The following CHRD variants were observed in gnomAD, a reference collection of about 807,000 sequenced individuals.
CHRD encodes the protein chordin.
A neutral mutation model predicts 113.7 loss-of-function variants in CHRD; 69 were observed. The observed-to-expected ratio is 0.61, with a 90% CI of 0.50 to 0.74. CHRD has a LOEUF of 0.74. Ranked by LOEUF, CHRD falls within the 30% of genes least tolerant of loss-of-function variation. The probability of loss-of-function intolerance (pLI) is 0.00; values close to 1 mark genes in which losing one functional copy is unlikely to be tolerated. For missense variants in CHRD, 1,194 were observed against 1,295.8 expected (o/e 0.92, Z 1.21); for synonymous variants, 561 against 540.8 (o/e 1.04, Z -0.52).
At position 184,384,385 on chromosome 3, in the gene CHRD, G is replaced by C. The variant is rs1715957919; in HGVS notation, c.1441-152G>C. The C allele has an allele frequency of 1.2e-6, 1 of 808,530 alleles. No individual in the cohort carries two copies. The highest frequency in any genetic ancestry group is 3.0e-5 in the East Asian group (1 of 33,746). 50.1% of individuals were successfully genotyped at this position (808,530 alleles called of 1,614,324 possible). Reference sequence around the variant, plus strand: ...GTTACATAGCTAGGAAGCAGCAGGGGAGGGCCTTGAAACTGGGCCTGCCAG... The same window carrying C: ...GTTACATAGCTAGGAAGCAGCAGGGCAGGGCCTTGAAACTGGGCCTGCCAG... On this transcript the variant is annotated intron_variant, in intron 12 of 22. Coordinates refer to ENST00000204604, the Ensembl canonical transcript of CHRD. The surrounding 1 kb of genome is among the most constrained non-coding windows in gnomAD (Gnocchi z 4.4).
In CHRD at chr3:184,389,000, G is replaced by A. The variant is rs1716809888; in HGVS notation, c.2812+5G>A. 6 of 1,602,994 alleles carry A rather than the reference G, an allele frequency of 3.7e-6. No homozygotes were observed. In the East Asian group the frequency reaches 1.3e-4, roughly 36 times the overall value. On this transcript the variant is annotated splice_donor_5th_base_variant and intron_variant, in intron 22 of 22. Transcript: ENST00000204604. The surrounding 1 kb of genome is among the most constrained non-coding windows in gnomAD (Gnocchi z 6.1). The stretch of plus-strand genomic sequence containing the variant: ...GCTGCACGGCCCACCGGCGGCGTAA[G>A]TGAGGGAGTCCAGGGTCAGCAGCTG...
chr3:184,380,386 C>T lies in CHRD; in HGVS notation c.68C>T (p.Pro23Leu), dbSNP rs1715097328. The change falls in exon 1 of 23, where the codon CCG (proline) becomes CTG (leucine). Residue 23 changes from proline (P) to leucine (L), a missense_variant. Physicochemically the swap from Pro to Leu is moderately conservative, Grantham distance 98 (BLOSUM62 -3). Coordinates refer to ENST00000204604, the Ensembl canonical transcript of CHRD. The surrounding 1 kb of genome is among the most constrained non-coding windows in gnomAD (Gnocchi z 6.3). ...GGGCTGCTGCTGCTCGGCTCCCGGC[C>T]GGCCCGCGGCGCCGGCCCAGAGCCC... The T allele has an allele frequency of 1.5e-6, 2 of 1,341,436 alleles. No homozygotes were observed. Among genetic ancestry groups the T allele is most frequent in the African/African-American group, 1.6e-5 (1 of 64,140 alleles). 83.1% of individuals were successfully genotyped at this position (1,341,436 alleles called of 1,614,324 possible). A position where few individuals can be genotyped will look rare whatever the true frequency, so the allele number is the denominator to read the frequency against.
chr3:184,388,845 T>C lies in CHRD; in HGVS notation c.2710-48T>C. ...CCTGAAGAAGCTGAAGGTCACTGTG[T>C]CCCAGTGCCTCTGGGGGACACTCAG... On this transcript the variant is annotated intron_variant, in intron 21 of 22. Coordinates refer to ENST00000204604, the Ensembl canonical transcript of CHRD. The surrounding 1 kb of genome is among the most constrained non-coding windows in gnomAD (Gnocchi z 6.1). 1 of 1,604,632 alleles carries C rather than the reference T, an allele frequency of 6.2e-7. No individual in the cohort carries two copies. Among genetic ancestry groups the C allele is most frequent in the Non-Finnish European group, 8.5e-7 (1 of 1,172,518 alleles).
chr3:184,388,893 G>A lies in CHRD; in HGVS notation c.2710G>A (p.Ala904Thr), dbSNP rs768554092. 1.9e-6 allele frequency: 3 copies of A among 1,612,864 alleles called. No homozygotes were observed. The East Asian group carries it at 6.7e-5, about 36-fold the overall frequency. ...CAGTGTCTGCTCTGTCTTGTACCAGGCAGGGGTGCCTCACTGTGAGCGGGA... is the reference window on the plus strand; with the variant it reads ...CAGTGTCTGCTCTGTCTTGTACCAGACAGGGGTGCCTCACTGTGAGCGGGA... Residue 904 changes from alanine to threonine, a missense_variant and splice_region_variant, in exon 22 of 23, where the codon GCA becomes ACA. By Grantham distance (58) the Ala-to-Thr change is moderately conservative. Coordinates refer to ENST00000204604, the Ensembl canonical transcript of CHRD. This position sits in a 1 kb window ranked among gnomAD's most constrained non-coding sequence, Gnocchi z 6.1.
chr3:184,388,736 T>C lies in CHRD; in HGVS notation c.2704T>C (p.Cys902Arg). 6.2e-7 allele frequency: 1 copy of C among 1,613,866 alleles called. No homozygotes were observed. The highest frequency in any genetic ancestry group is 8.5e-7 in the Non-Finnish European group (1 of 1,179,960). Residue 902 changes from cysteine to arginine, a missense_variant, in exon 21 of 23, where the codon TGT becomes CGT. Physicochemically the swap from Cys to Arg is radical, Grantham distance 180. Transcript: ENST00000204604. The surrounding 1 kb of genome is among the most constrained non-coding windows in gnomAD (Gnocchi z 6.1). ...AGAGATGAGCTGTATCACCTGCAGATGTGGGGTAAGTGGGGAGCAGAGGCT... is the reference window on the plus strand; with the variant it reads ...AGAGATGAGCTGTATCACCTGCAGACGTGGGGTAAGTGGGGAGCAGAGGCT...
At position 184,387,136 on chromosome 3, in the gene CHRD, G is replaced by C; in HGVS notation, c.2347+29G>C. On this transcript the variant is annotated intron_variant, in intron 18 of 22. Coordinates refer to ENST00000204604, the Ensembl canonical transcript of CHRD. The surrounding 1 kb of genome is among the most constrained non-coding windows in gnomAD (Gnocchi z 6.1). The stretch of plus-strand genomic sequence containing the variant: ...AGCTGGAAGGGTGCGTGCAGGGTGG[G>C]AGGCCCCAGAGGAGCCATTAGGTTG... 6.2e-7 allele frequency: 1 copy of C among 1,602,136 alleles called. No individual in the cohort carries two copies. Among genetic ancestry groups the C allele is most frequent in the Non-Finnish European group, 8.6e-7 (1 of 1,169,036 alleles).
chr3:184,380,574 C>G lies in CHRD; in HGVS notation c.148+108C>G, dbSNP rs1458633888. Reference sequence around the variant, plus strand: ...AGGTGGCTCGGCGCGGCGGGCGGCCCGGAGGGTGGGCGGGGGCAGAAGGGC... The same window carrying G: ...AGGTGGCTCGGCGCGGCGGGCGGCCGGGAGGGTGGGCGGGGGCAGAAGGGC... On this transcript the variant is annotated intron_variant, in intron 1 of 22. Coordinates refer to ENST00000204604, the Ensembl canonical transcript of CHRD. The surrounding 1 kb of genome is among the most constrained non-coding windows in gnomAD (Gnocchi z 6.3). 5.1e-5 allele frequency: 53 copies of G among 1,039,916 alleles called. No individual in the cohort carries two copies. Among genetic ancestry groups the G allele is most frequent in the Non-Finnish European group, 5.5e-5 (46 of 833,338 alleles). 64.4% of individuals were successfully genotyped at this position (1,039,916 alleles called of 1,614,324 possible).
rs111621108 is a variant in CHRD at position 184,381,168 on chromosome 3, T to G, written c.253-67T>G. The stretch of plus-strand genomic sequence containing the variant: ...GCTGGCTGACTCTGCGGGACATCCT[T>G]GCCTGGGGGGGTCTCATCAGTTGGC... On this transcript the variant is annotated intron_variant, in intron 2 of 22. Coordinates refer to ENST00000204604, the Ensembl canonical transcript of CHRD. This position sits in a 1 kb window ranked among gnomAD's most constrained non-coding sequence, Gnocchi z 4.7. The G allele has an allele frequency of 1.0e-4, 159 of 1,593,138 alleles. No homozygotes were observed. The African/African-American group carries it at 1.7e-3, about 17-fold the overall frequency.
exon 23 of CHRD, chr3:184,389,551 C>T: frequency 2.6e-6 from 2 of 775,412 alleles, no homozygotes; most frequent in South Asian, 1.7e-5. Flanking sequence ...CCTCTACTCC[C>T]ACCCCCACTA....
Position 184,380,289 on chromosome 3 carries a change from TCCCTCCTCCCC to T in CHRD, c.-29_-19del. ...CCGCCCGCTCCCGCGCCCTCCTCCC[TCCCTCCTCCCC>T]AGCTGTCCCGTTCGCGTCATGCCGA... On this transcript the variant is annotated 5_prime_UTR_variant, in exon 1 of 23. Transcript: ENST00000204604. This position sits in a 1 kb window ranked among gnomAD's most constrained non-coding sequence, Gnocchi z 6.3. 1.2e-6 allele frequency: 1 copy of T among 855,108 alleles called. No homozygotes were observed. The highest frequency in any genetic ancestry group is 1.4e-6 in the Non-Finnish European group (1 of 690,362). The allele number at this position is 855,108 out of a possible 1,614,324, so 53.0% of individuals were successfully genotyped here.
At chr3:184,386,568 G>T in exon 16 of CHRD, 1 of 1,561,176 alleles carries the variant, frequency 6.4e-7, no homozygotes, top group African/African-American at 1.4e-5. Context: ...CGGGCGCTGG[G>T]GGCTCCGGAT....
Position 184,388,225 on chromosome 3 carries a change from CTCCA to C in CHRD, c.2554+200_2554+203del, listed in dbSNP as rs751792899. 1.1e-3 allele frequency among the ~76,000 whole-genome samples: 161 copies of C among 145,910 alleles called. No homozygotes were observed. Among genetic ancestry groups the C allele is most frequent in the African/African-American group, 2.5e-3 (94 of 37,750 alleles). On this transcript the variant is annotated intron_variant, in intron 20 of 22. Transcript: ENST00000204604. This position sits in a 1 kb window ranked among gnomAD's most constrained non-coding sequence, Gnocchi z 6.1. Reference sequence around the variant, plus strand: ...GGGGTATGATGGGTTCTGGTTCCTGCTCCATCCATCCGTCCATCCATCCATCCAT... The same window carrying C: ...GGGGTATGATGGGTTCTGGTTCCTGCTCCATCCGTCCATCCATCCATCCAT...
At position 184,383,679 on chromosome 3, in the gene CHRD, A is replaced by G. The variant is rs781254772; in HGVS notation, c.1440+37A>G. 10 of 1,563,224 alleles carry G rather than the reference A, an allele frequency of 6.4e-6. No homozygotes were observed. In the African/African-American group the frequency reaches 6.8e-5, roughly 11 times the overall value. ...AGGTGGAGCTGGACCCCAGGGCCCA[A>G]TGCATGGGCTGTGGGAAGCCAGGTT... is the stretch of plus-strand genomic sequence containing the variant. On this transcript the variant is annotated intron_variant, in intron 12 of 22. Transcript: ENST00000204604.
rs763664616 is a variant in CHRD at position 184,386,447 on chromosome 3, G to A, written c.1933-45G>A. On this transcript the variant is annotated intron_variant, in intron 15 of 22. Transcript: ENST00000204604. ...CTGGCCAGCTGCCGCTGGTAAAGAC[G>A]CGAGGGGGAGCCCCAGCGCTGCCTC... The A allele has an allele frequency of 3.3e-4, 505 of 1,529,294 alleles. 2 individuals carry two copies. In the Middle Eastern group the frequency reaches 3.5e-3, roughly 11 times the overall value. The allele number at this position is 1,529,294 out of a possible 1,614,324, so 94.7% of individuals were successfully genotyped here.
exon 11 of CHRD, chr3:184,383,377 G>A (rs1304687509): frequency 1.2e-6 from 2 of 1,613,858 alleles, no homozygotes; most frequent in African/African-American, 2.7e-5. Flanking sequence ...TGCCGGCTCA[G>A]CCAGCCTCAC....
At position 184,387,795 on chromosome 3, in the gene CHRD, G is replaced by A. The variant is rs147646497; in HGVS notation, c.2452-136G>A. On this transcript the variant is annotated intron_variant, in intron 19 of 22. Transcript: ENST00000204604. The surrounding 1 kb of genome is among the most constrained non-coding windows in gnomAD (Gnocchi z 6.1). Reference sequence around the variant, plus strand: ...GGGTTCTGATGAGGAGCTGAGTTTAGGTCTATAAAGCCAGTCCGGGCCTCT... The same window carrying A: ...GGGTTCTGATGAGGAGCTGAGTTTAAGTCTATAAAGCCAGTCCGGGCCTCT... 8.2e-3 allele frequency: 6,340 copies of A among 771,384 alleles called. 54 individuals are homozygous for A. Among genetic ancestry groups the A allele is most frequent in the South Asian group, 0.021 (1,258 of 59,650 alleles). 47.8% of individuals were successfully genotyped at this position (771,384 alleles called of 1,614,324 possible). A position where few individuals can be genotyped will look rare whatever the true frequency, so the allele number is the denominator to read the frequency against.
At chr3:184,385,280 T>G in intron 14 of CHRD, 42 bp downstream of exon 14, 1 of 1,514,002 alleles carries the variant, frequency 6.6e-7, no homozygotes, top group Non-Finnish European at 9.1e-7. Flanking sequence ...ACATTTCTGT[T>G]TTTTAGCTTG....
chr3:184,382,290 C>T, intron 6 of CHRD, 99 bp from the exon 7 acceptor site: 2 of 1,564,260 alleles, frequency 1.3e-6, no homozygotes, highest in East Asian at 4.5e-5. Flanking sequence ...CCTGGAGGTT[C>T]CTTTCCATGT....
Position 184,388,663 on chromosome 3 carries a change from G to A in CHRD, c.2631G>A (p.Gln877=). 1 of 1,613,946 alleles carries A rather than the reference G, an allele frequency of 6.2e-7. No individual in the cohort carries two copies. Among genetic ancestry groups the A allele is most frequent in the Non-Finnish European group, 8.5e-7 (1 of 1,180,032 alleles). Residue 877 remains glutamine, a synonymous_variant, in exon 21 of 23, where the codon CAG becomes CAA. Transcript: ENST00000204604. This position sits in a 1 kb window ranked among gnomAD's most constrained non-coding sequence, Gnocchi z 6.1. ...CCCGGGGCTGCCGTTTTGCTGGGCA[G>A]TGGTTCCCAGAGAGTCAGAGCTGGC...
Sources: allele counts gnomAD v4.1 joint callset (sites outside exome capture counted in the v4.1 genomes callset), GRCh38; gene constraint gnomAD v4.1.1; non-coding constraint Gnocchi (gnomAD v3.1); transcripts MANE v1.5; gene names NCBI Gene and HGNC (gene_info 2026-07-23, HGNC 2026-07-21).